ANKRD11: variants seen among roughly 807,000 people sequenced by gnomAD.
ANKRD11 encodes ankyrin repeat domain 11.
ANKRD11 carries 17 observed loss-of-function variants against 195.7 expected under a neutral mutation model. That is an observed-to-expected ratio of 0.09 (90% confidence interval 0.06 to 0.13). ANKRD11 has a LOEUF of 0.13. Among genes scored for constraint, ANKRD11 ranks in the 10% least tolerant of loss-of-function variants. ANKRD11 has a pLI of 1.00. For missense variants in ANKRD11, 3,735 were observed against 3,566.1 expected, an observed-to-expected ratio of 1.05 and a Z score of -1.21; for synonymous variants, 1,953 against 1,528.1, an observed-to-expected ratio of 1.28 and a Z score of -6.49.
chr16:89,380,878 G>T (rs561875692), intron 2 of ANKRD11, among the ~76,000 whole-genome samples: 10 of 152,342 alleles, frequency 6.6e-5, no homozygotes, highest in Admixed American at 2.6e-4. Flanking sequence ...ACGGGGCAAT[G>T]CAGCTCAGAG....
At chr16:89,375,038 ATACT>A (rs753671869) in intron 2 of ANKRD11, among the ~76,000 whole-genome samples, 22 of 152,136 alleles carry the variant, frequency 1.4e-4, no homozygotes, top group Non-Finnish European at 2.5e-4. Context: ...ACGCTTATAA[ATACT>A]TACAGACTGT....
intron 2 of ANKRD11, among the ~76,000 whole-genome samples, chr16:89,386,759 A>T (rs145967312): frequency 3.9e-5 from 6 of 152,324 alleles, no homozygotes; most frequent in Non-Finnish European, 8.8e-5. Flanking sequence ...ATCAATCCAA[A>T]ATAGCACTGT....
At chr16:89,354,220 T>G (rs924010947) in intron 2 of ANKRD11, among the ~76,000 whole-genome samples, 2 of 137,642 alleles carry the variant, frequency 1.5e-5, no homozygotes, top group Non-Finnish European at 3.1e-5. Context: ...TTTACATATA[T>G]ATAACTAAAT....
At chr16:89,393,065 G>A (rs895038558) in intron 2 of ANKRD11, among the ~76,000 whole-genome samples, 6 of 151,918 alleles carry the variant, frequency 3.9e-5, no homozygotes, top group South Asian at 2.1e-4. Flanking sequence ...TGGAGCCTCC[G>A]GCAAGCCCAG....
At chr16:89,357,043 C>T (rs1353035221) in intron 2 of ANKRD11, among the ~76,000 whole-genome samples, 3 of 152,200 alleles carry the variant, frequency 2.0e-5, no homozygotes, top group Non-Finnish European at 4.4e-5. Flanking sequence ...GGCTTGACAT[C>T]TTTTATTCTA....
At chr16:89,388,012 C>CAAA (rs753200517) in intron 2 of ANKRD11, among the ~76,000 whole-genome samples, 1 of 94,008 alleles carries the variant, frequency 1.1e-5, no homozygotes. Flanking sequence ...GACTCCATCT[C>CAAA]AAAAAAAAAA....
Position 89,280,414 on chromosome 16 carries a change from G to C in ANKRD11, c.6128C>G (p.Ala2043Gly). The C allele has an allele frequency of 6.4e-7, 1 of 1,565,280 alleles. No homozygotes were observed. Among genetic ancestry groups the C allele is most frequent in the Non-Finnish European group, 8.7e-7 (1 of 1,155,616 alleles). Reference protein sequence around the residue: ...GLEDVKDGVDAVPAAISTSEA... With the variant: ...GLEDVKDGVDGVPAAISTSEA... ...TGAGGTGGAGATGGCGGCGGGGACG[G>C]CGTCCACTCCGTCCTTGACGTCCTC... The change falls in exon 9 of 13, where the codon GCC (alanine) becomes GGC (glycine). Residue 2043 changes from alanine (A) to glycine (G), a missense_variant. Ala to Gly is a moderately conservative substitution (Grantham distance 60). Coordinates refer to ENST00000301030, the MANE Select transcript of ANKRD11 (RefSeq NM_013275.6).
chr16:89,367,719 G>GCTCCACGCTGTACTCCTGA (rs550709674), intron 2 of ANKRD11, among the ~76,000 whole-genome samples: 91 of 152,324 alleles, frequency 6.0e-4, no homozygotes, highest in South Asian at 4.1e-3. Context: ...GGTGAGTACA[G>GCTCCACGCTGTACTCCTGA]CTCCACGCAT....
At chr16:89,415,555 C>T (rs1011010165) in intron 2 of ANKRD11, among the ~76,000 whole-genome samples, 1 of 151,752 alleles carries the variant, frequency 6.6e-6, no homozygotes, top group South Asian at 2.1e-4. Flanking sequence ...TGAGCCACTG[C>T]GCCCGGCAAG....
At chr16:89,430,390 G>T (rs952392056) in intron 1 of ANKRD11, among the ~76,000 whole-genome samples, 5 of 146,192 alleles carry the variant, frequency 3.4e-5, no homozygotes, top group Non-Finnish European at 6.0e-5. Flanking sequence ...ACACAGCAGG[G>T]ACTCTCAACT....
chr16:89,379,041 C>G (rs1258149999), intron 2 of ANKRD11, among the ~76,000 whole-genome samples: 1 of 152,240 alleles, frequency 6.6e-6, no homozygotes, highest in African/African-American at 2.4e-5. Flanking sequence ...GAGGCATTCA[C>G]TGTCGCTTAG....
intron 1 of ANKRD11, among the ~76,000 whole-genome samples, chr16:89,457,237 G>C (rs1284206125): frequency 6.6e-6 from 1 of 151,008 alleles, no homozygotes; most frequent in Non-Finnish European, 1.5e-5. Context: ...GGGATTACAG[G>C]CGTGAGCCAC....
At chr16:89,350,452 A>AT (rs930985115) in intron 2 of ANKRD11, among the ~76,000 whole-genome samples, 3 of 152,206 alleles carry the variant, frequency 2.0e-5, no homozygotes, top group Non-Finnish European at 2.9e-5. Flanking sequence ...AACATGCGAC[A>AT]TATCTACCCC....
intron 2 of ANKRD11, among the ~76,000 whole-genome samples, chr16:89,387,305 G>A (rs780529194): frequency 3.9e-5 from 6 of 151,994 alleles, no homozygotes; most frequent in East Asian, 3.9e-4. Flanking sequence ...AAGGGGCTGC[G>A]TCTGTGGTGA....
At chr16:89,347,938 T>C (rs1443210851) in intron 2 of ANKRD11, among the ~76,000 whole-genome samples, 1 of 151,884 alleles carries the variant, frequency 6.6e-6, no homozygotes, top group Non-Finnish European at 1.5e-5. Flanking sequence ...GTATGGGATT[T>C]TGTCTTTTTT....
intron 2 of ANKRD11, among the ~76,000 whole-genome samples, chr16:89,343,297 C>T (rs968255291): frequency 4.6e-5 from 7 of 152,112 alleles, no homozygotes; most frequent in Non-Finnish European, 8.8e-5. Context: ...TGGGCCTGAG[C>T]GCATTTTTTA....
At position 89,284,375 on chromosome 16, in the gene ANKRD11, C is replaced by G; in HGVS notation, c.2167G>C (p.Asp723His). The G allele has an allele frequency of 6.2e-7, 1 of 1,613,778 alleles. No individual in the cohort carries two copies. Among genetic ancestry groups the G allele is most frequent in the South Asian group, 1.1e-5 (1 of 91,050 alleles). Residue 723 changes from aspartate (D) to histidine (H), a missense_variant, in exon 9 of 13, where the codon GAC (aspartate) becomes CAC (histidine). Coordinates refer to ENST00000301030, the MANE Select transcript of ANKRD11 (RefSeq NM_013275.6). ...GACCTGCTGATGTCTTTGTTTGTGT[C>G]TTTGATTCTCTTCAGTGATTTTTCA... ...KDEKSLKRIKDTNKDISRSFR... is the reference protein window; with the variant it reads ...KDEKSLKRIKHTNKDISRSFR...
intron 1 of ANKRD11, among the ~76,000 whole-genome samples, chr16:89,434,611 A>G (rs918710744): frequency 1.3e-5 from 2 of 152,168 alleles, no homozygotes; most frequent in Non-Finnish European, 2.9e-5. Flanking sequence ...CCGACAATCC[A>G]TGCCTATAAA....
chr16:89,456,340 G>C (rs1597464719), intron 1 of ANKRD11, among the ~76,000 whole-genome samples: 1 of 151,818 alleles, frequency 6.6e-6, no homozygotes, highest in Admixed American at 6.6e-5. Flanking sequence ...CTTGAGGTCA[G>C]GAGTTCGAGA....
Sources: gnomAD v4.1 joint callset for allele counts (sites outside exome capture counted in the v4.1 genomes callset) on GRCh38, gnomAD v4.1.1 for gene constraint, MANE v1.5 for transcripts, NCBI Gene and HGNC (gene_info 2026-07-23, HGNC 2026-07-21) for gene names.